Variants in CDH4 observed in about 807,000 individuals in gnomAD.
The protein encoded by CDH4 is cadherin-4.
CDH4 carries 33 observed loss-of-function variants against 86.0 expected under a neutral mutation model. That is an observed-to-expected ratio of 0.38 (90% confidence interval 0.29 to 0.51). The LOEUF (loss-of-function observed/expected upper bound fraction) is 0.51, where lower values mean the gene tolerates loss of function less well. CDH4 is among the 20% of genes least tolerant of loss of function. CDH4 has a pLI of 0.86. For synonymous variants in CDH4, 555 were observed against 549.4 expected, an observed-to-expected ratio of 1.01 and a Z score of -0.14; for missense variants, 1,114 against 1,307.4, an observed-to-expected ratio of 0.85 and a Z score of 2.28.
intron 3 of CDH4, among the ~76,000 whole-genome samples, chr20:61,759,517 G>A (rs988442133): frequency 3.9e-5 from 6 of 152,166 alleles, no homozygotes; most frequent in Non-Finnish European, 8.8e-5. Flanking sequence ...CCTCACCAAC[G>A]TCTTCCCGAA....
chr20:61,740,002 G>A (rs1163944733), intron 2 of CDH4, among the ~76,000 whole-genome samples: 1 of 152,188 alleles, frequency 6.6e-6, no homozygotes, highest in Admixed American at 6.5e-5. Context: ...ACATACATGG[G>A]CACTTTTCTG....
intron 2 of CDH4, among the ~76,000 whole-genome samples, chr20:61,288,203 A>AG (rs2084303270): frequency 6.6e-6 from 1 of 151,282 alleles, no homozygotes; most frequent in African/African-American, 2.4e-5. Context: ...TTTTCCCAGA[A>AG]AAAAAAATCC....
intron 2 of CDH4, among the ~76,000 whole-genome samples, chr20:61,658,099 G>C (rs2087211522): frequency 6.6e-6 from 1 of 152,072 alleles, no homozygotes; most frequent in African/African-American, 2.4e-5. Flanking sequence ...CCTTCCTGCA[G>C]GTGCTAAGAT....
intron 2 of CDH4, among the ~76,000 whole-genome samples, chr20:61,640,254 C>G (rs2086991194): frequency 6.6e-6 from 1 of 152,254 alleles, no homozygotes; most frequent in Admixed American, 6.5e-5. Context: ...AGACTGGAAG[C>G]CAGCTCAGAG....
rs757844851 is a variant in CDH4 at position 61,936,761 on chromosome 20, C to T, written c.2569C>T (p.Pro857Ser). The T allele has an allele frequency of 6.2e-7, 1 of 1,606,132 alleles. No homozygotes were observed. Reference protein sequence around the residue: ...NEGLRAADNDPTAPPYDSLLV... With the variant: ...NEGLRAADNDSTAPPYDSLLV... Reference sequence around the variant, plus strand: ...GGGACTCCGCGCTGCTGACAACGACCCCACGGCACCCCCCTATGACTCCCT... The same window carrying T: ...GGGACTCCGCGCTGCTGACAACGACTCCACGGCACCCCCCTATGACTCCCT... Residue 857 changes from proline to serine, a missense_variant, in exon 16 of 16, where the codon CCC (proline) becomes TCC (serine). By Grantham distance (74) the Pro-to-Ser change is moderately conservative. Around this residue, in one of 3 missense-constraint regions of CDH4, gnomAD observed 188 missense variants for 183.8 expected, o/e 1.02. Coordinates refer to ENST00000614565, the MANE Select transcript of CDH4 (RefSeq NM_001794.5).
chr20:61,839,576 G>A (rs1317119492), intron 4 of CDH4, among the ~76,000 whole-genome samples: 2 of 151,748 alleles, frequency 1.3e-5, no homozygotes, highest in African/African-American at 4.8e-5. Flanking sequence ...GTGCATGTGT[G>A]TGTGACGTGT....
intron 2 of CDH4, among the ~76,000 whole-genome samples, chr20:61,731,084 A>G (rs1647831497): frequency 6.6e-6 from 1 of 151,916 alleles, no homozygotes; most frequent in Non-Finnish European, 1.5e-5. Flanking sequence ...CAGGAGAAGG[A>G]TCTGCACCGG....
chr20:61,303,039 A>T (rs535685739), intron 2 of CDH4, among the ~76,000 whole-genome samples: 2 of 152,310 alleles, frequency 1.3e-5, no homozygotes, highest in African/African-American at 4.8e-5. Context: ...CTCTTGGCCC[A>T]GGGAAACCCA....
chr20:61,546,034 CGT>C (rs1568886562), intron 2 of CDH4, among the ~76,000 whole-genome samples: 19 of 1,312 alleles, frequency 0.014, no homozygotes, highest in Non-Finnish European at 0.014. Context: ...GGTGTGTGTT[CGT>C]GTGTGTGTGG....
Position 61,409,489 on chromosome 20 carries a change from T to C in CDH4, c.169+154552T>C, listed in dbSNP as rs184375045. Among the ~76,000 whole-genome samples the C allele has an allele frequency of 7.7e-4, 117 of 152,344 alleles. 1 individual carries two copies. Among genetic ancestry groups the C allele is most frequent in the Non-Finnish European group, 1.5e-3 (103 of 68,026 alleles). ...CAACACAAGGATTCCCTGGAGCCAC[T>C]GGGAAGGGCTGCATGCTCATCACAC... On this transcript the variant is annotated intron_variant, in intron 2 of 15. Transcript: ENST00000614565.
chr20:61,789,776 C>T (rs1349986449), intron 4 of CDH4, among the ~76,000 whole-genome samples: 1 of 152,212 alleles, frequency 6.6e-6, no homozygotes, highest in African/African-American at 2.4e-5. Flanking sequence ...GGAGGTAGAA[C>T]TGGTGGAGAA....
intron 2 of CDH4, among the ~76,000 whole-genome samples, chr20:61,577,946 C>T (rs570216380): frequency 6.6e-6 from 1 of 152,276 alleles, no homozygotes; most frequent in Admixed American, 6.5e-5. Flanking sequence ...ATGTCTCCTT[C>T]CCTCCTTCAA....
chr20:61,853,489 C>T (rs1809707416), intron 6 of CDH4, among the ~76,000 whole-genome samples: 1 of 152,174 alleles, frequency 6.6e-6, no homozygotes, highest in South Asian at 2.1e-4. Flanking sequence ...AAGAGCCTGT[C>T]CCCCGAGACT....
intron 3 of CDH4, among the ~76,000 whole-genome samples, chr20:61,757,328 G>A (rs991022170): frequency 2.6e-5 from 4 of 152,200 alleles, no homozygotes; most frequent in East Asian, 1.9e-4. Flanking sequence ...CCAAAGGAAC[G>A]GCAGCTTGTA....
chr20:61,384,287 T>C (rs904436655), intron 2 of CDH4, among the ~76,000 whole-genome samples: 1 of 152,116 alleles, frequency 6.6e-6, no homozygotes, highest in Non-Finnish European at 1.5e-5. Context: ...GGTGGGGATA[T>C]TGGGAATCAC....
chr20:61,805,131 G>A (rs1980055418), intron 4 of CDH4, among the ~76,000 whole-genome samples: 1 of 152,160 alleles, frequency 6.6e-6, no homozygotes, highest in African/African-American at 2.4e-5. Context: ...TGGCTTTGAT[G>A]GGCTCATATG....
intron 2 of CDH4, among the ~76,000 whole-genome samples, chr20:61,522,221 C>T (rs1480670404): frequency 1.3e-5 from 2 of 152,186 alleles, no homozygotes; most frequent in Non-Finnish European, 1.5e-5. Context: ...CTGTGATACC[C>T]CCTCACCCCT....
At chr20:61,722,676 C>G (rs544321885) in intron 2 of CDH4, among the ~76,000 whole-genome samples, 2 of 150,968 alleles carry the variant, frequency 1.3e-5, no homozygotes, top group Admixed American at 1.3e-4. Flanking sequence ...GTGCATGGAC[C>G]AGCATCACGC....
intron 2 of CDH4, among the ~76,000 whole-genome samples, chr20:61,692,987 A>G (rs73915332): frequency 0.011 from 1,734 of 152,272 alleles, 34 homozygotes; most frequent in African/African-American, 0.039. Flanking sequence ...ATCCAATTAA[A>G]ATGATCCATG....
Sources: gnomAD v4.1 joint callset for allele counts (sites outside exome capture counted in the v4.1 genomes callset) on GRCh38, gnomAD v4.1.1 for gene constraint, gnomAD v4.1.1 regional missense constraint, MANE v1.5 for transcripts, NCBI Gene and HGNC (gene_info 2026-07-23, HGNC 2026-07-21) for gene names.